The following TTC23 variants were observed in gnomAD, a reference collection of about 807,000 sequenced individuals.
The protein encoded by TTC23 is tetratricopeptide repeat domain 23.
In TTC23, 58 loss-of-function variants were observed where a neutral mutation model predicts 55.1. That is an observed-to-expected ratio of 1.05 (90% CI 0.85 to 1.31). The LOEUF (loss-of-function observed/expected upper bound fraction) is 1.31. TTC23 is among the 50% of genes most tolerant of loss of function. TTC23 has a pLI of 0.00. For missense variants in TTC23, 516 were observed against 534.4 expected (o/e 0.97, Z 0.34); for synonymous variants, 203 against 199.9 (o/e 1.02, Z -0.13).
intron 11 of TTC23, chr15:99,160,618 C>T (rs1045958553): frequency 1.3e-5 from 2 of 152,116 alleles, no homozygotes; most frequent in African/African-American, 4.8e-5. Flanking sequence ...CAATCCCCCA[C>T]AGATACTGAG....
At chr15:99,190,267 T>G (rs896794017) in intron 9 of TTC23, among the ~76,000 whole-genome samples, 2 of 150,694 alleles carry the variant, frequency 1.3e-5, no homozygotes, top group Admixed American at 1.3e-4. Context: ...GTTTTTTTTT[T>G]TTGTTTGTTT....
At chr15:99,142,592 G>A (rs756259174) in intron 12 of TTC23, among the ~76,000 whole-genome samples, 13 of 152,180 alleles carry the variant, frequency 8.5e-5, no homozygotes, top group Non-Finnish European at 1.8e-4. Flanking sequence ...TTAACAGATT[G>A]CCTTCAAAAT....
intron 7 of TTC23, 89 bp from the exon 8 acceptor site, chr15:99,218,802 C>A (rs2077673257): frequency 6.3e-7 from 1 of 1,598,120 alleles, no homozygotes. Flanking sequence ...TCCAATCACA[C>A]TTCCTAAGTC....
intron 1 of TTC23, 116 bp from the exon 2 acceptor site, chr15:99,245,626 C>T (rs887179704): frequency 6.6e-5 from 10 of 151,368 alleles, no homozygotes; most frequent in Non-Finnish European, 1.3e-4. Context: ...CAAGATAATT[C>T]AATGGGAAGA....
At chr15:99,220,077 G>A (rs1188761513) in intron 6 of TTC23, among the ~76,000 whole-genome samples, 1 of 152,096 alleles carries the variant, frequency 6.6e-6, no homozygotes, top group Non-Finnish European at 1.5e-5. Flanking sequence ...CAACTGTGTC[G>A]AGTCCCTGAA....
chr15:99,183,910 C>T (rs1337861355), intron 9 of TTC23, among the ~76,000 whole-genome samples: 1 of 152,054 alleles, frequency 6.6e-6, no homozygotes, highest in Non-Finnish European at 1.5e-5. Flanking sequence ...ATTTTGTGGG[C>T]CCAGGACCCC....
At chr15:99,247,709 G>C (rs1000728910) in intron 1 of TTC23, among the ~76,000 whole-genome samples, 1 of 139,868 alleles carries the variant, frequency 7.1e-6, no homozygotes, top group African/African-American at 2.7e-5. Context: ...ACCAGGACTT[G>C]CCTGCAAATG....
chr15:99,138,423 C>A (rs183524567), intron 13 of TTC23, among the ~76,000 whole-genome samples: 4 of 152,114 alleles, frequency 2.6e-5, no homozygotes, highest in African/African-American at 9.7e-5. Flanking sequence ...AAGCAACTCT[C>A]ATGCCTCAGT....
chr15:99,207,441 TC>T (rs2076711322), intron 8 of TTC23, among the ~76,000 whole-genome samples: 1 of 152,150 alleles, frequency 6.6e-6, no homozygotes, highest in Non-Finnish European at 1.5e-5. Context: ...ATATTTAACT[TC>T]CCTATCAGAA....
chr15:99,161,980 G>T, intron 10 of TTC23, 113 bp from the exon 11 acceptor site: 1 of 1,164,994 alleles, frequency 8.6e-7, no homozygotes, highest in Non-Finnish European at 1.2e-6. Context: ...ATTGGGACAA[G>T]AAAAAACAGT....
chr15:99,171,537 GC>G (rs1244531576), intron 10 of TTC23, among the ~76,000 whole-genome samples: 3 of 147,278 alleles, frequency 2.0e-5, no homozygotes, highest in Non-Finnish European at 4.5e-5. Context: ...TATGATTCTT[GC>G]TTGCTCCTGA....
chr15:99,197,608 T>C (rs1219214865), intron 9 of TTC23, among the ~76,000 whole-genome samples: 1 of 151,772 alleles, frequency 6.6e-6, no homozygotes, highest in Non-Finnish European at 1.5e-5. Flanking sequence ...GTGAAAGGTA[T>C]CAAAAAAGGG....
intron 8 of TTC23, among the ~76,000 whole-genome samples, chr15:99,218,338 CG>C (rs971787304): frequency 4.6e-5 from 7 of 152,078 alleles, no homozygotes; most frequent in Non-Finnish European, 1.0e-4. Context: ...GCAGGTAAAA[CG>C]AAAGTCAAGA....
At chr15:99,168,125 T>A (rs1232658791) in intron 10 of TTC23, among the ~76,000 whole-genome samples, 1 of 152,166 alleles carries the variant, frequency 6.6e-6, no homozygotes, top group Non-Finnish European at 1.5e-5. Context: ...GAGGAACACT[T>A]TCACAGTGCC....
intron 12 of TTC23, chr15:99,148,390 C>T (rs1555495135): frequency 2.8e-5 from 1 of 36,256 alleles, no homozygotes; most frequent in African/African-American, 7.6e-5. Context: ...AAAAAAAAGA[C>T]CTTCTTAGCG....
intron 10 of TTC23, among the ~76,000 whole-genome samples, chr15:99,167,101 G>T (rs569428899): frequency 1.3e-5 from 2 of 152,140 alleles, no homozygotes; most frequent in South Asian, 4.2e-4. Flanking sequence ...CAGCAAAGGG[G>T]TCACTTCCTG....
intron 9 of TTC23, among the ~76,000 whole-genome samples, chr15:99,179,197 C>T (rs2073887948): frequency 6.6e-6 from 1 of 152,224 alleles, no homozygotes; most frequent in South Asian, 2.1e-4. Flanking sequence ...TTCCTCCTTA[C>T]TCTCAGGTGC....
At chr15:99,151,729 A>G (rs975396889) in intron 12 of TTC23, among the ~76,000 whole-genome samples, 7 of 152,198 alleles carry the variant, frequency 4.6e-5, no homozygotes, top group Non-Finnish European at 1.5e-5. Flanking sequence ...TTCGCTTCCA[A>G]ACATTTTTTA....
chr15:99,139,010 C>T, intron 13 of TTC23: 1 of 432,132 alleles, frequency 2.3e-6, no homozygotes. Context: ...AGCAGGGCTG[C>T]AGGAGGCCAC....
Sources: gnomAD v4.1 joint callset for allele counts (sites outside exome capture counted in the v4.1 genomes callset) on GRCh38, gnomAD v4.1.1 for gene constraint, MANE v1.5 for transcripts, NCBI Gene and HGNC (gene_info 2026-07-23, HGNC 2026-07-21) for gene names.